Variants in ARSK observed in about 807,000 individuals in gnomAD.
ARSK encodes the protein arylsulfatase family member K.
ARSK carries 37 observed loss-of-function variants against 53.2 expected under a neutral mutation model. The observed-to-expected ratio is 0.70, with a 90% CI of 0.54 to 0.92. ARSK has a LOEUF of 0.92. Among genes scored for constraint, ARSK ranks in the 40% least tolerant of loss-of-function variants. The probability of loss-of-function intolerance (pLI) is 0.00; values close to 1 mark genes in which losing one functional copy is unlikely to be tolerated. For synonymous variants in ARSK, 208 were observed against 223.2 expected, an observed-to-expected ratio of 0.93 and a Z score of 0.61; for missense variants, 613 against 643.0, an observed-to-expected ratio of 0.95 and a Z score of 0.51.
intron 6 of ARSK, among the ~76,000 whole-genome samples, chr5:95,594,632 G>A (rs550801157): frequency 9.8e-5 from 15 of 152,328 alleles, no homozygotes; most frequent in African/African-American, 3.4e-4. Context: ...ACGAGGTCAG[G>A]AGATCGAGAC....
chr5:95,591,674 T>G, intron 6 of ARSK, 49 bp downstream of exon 6: 1 of 1,583,006 alleles, frequency 6.3e-7, no homozygotes, highest in South Asian at 1.1e-5. Flanking sequence ...TGCTGGAGAA[T>G]GCAACTGAAG....
intron 6 of ARSK, among the ~76,000 whole-genome samples, chr5:95,600,306 A>G (rs898388128): frequency 6.6e-6 from 1 of 152,326 alleles, no homozygotes; most frequent in African/African-American, 2.4e-5. Context: ...AAGGTTTATC[A>G]TATACATCAG....
chr5:95,590,186 G>A (rs916001058), intron 5 of ARSK, among the ~76,000 whole-genome samples: 24 of 152,188 alleles, frequency 1.6e-4, no homozygotes, highest in African/African-American at 5.8e-4. Flanking sequence ...TTTGAGCTGG[G>A]TCATAAAGGA....
At chr5:95,579,114 T>C (rs573416162) in intron 3 of ARSK, among the ~76,000 whole-genome samples, 5 of 152,308 alleles carry the variant, frequency 3.3e-5, no homozygotes, top group Non-Finnish European at 7.4e-5. Flanking sequence ...TTATCCTCCA[T>C]TTTGATTGAA....
intron 5 of ARSK, among the ~76,000 whole-genome samples, chr5:95,587,376 T>C (rs1256028415): frequency 6.6e-6 from 1 of 152,218 alleles, no homozygotes; most frequent in Non-Finnish European, 1.5e-5. Context: ...AAATCTGTTT[T>C]ATAACAAAAG....
At chr5:95,559,018 G>A (rs1420983134) in intron 1 of ARSK, among the ~76,000 whole-genome samples, 3 of 152,132 alleles carry the variant, frequency 2.0e-5, no homozygotes, top group Admixed American at 1.3e-4. Flanking sequence ...GCAGGCACCT[G>A]TAATCCCAGC....
intron 3 of ARSK, among the ~76,000 whole-genome samples, chr5:95,580,662 A>T (rs1027283370): frequency 3.8e-4 from 57 of 151,920 alleles, no homozygotes; most frequent in African/African-American, 1.3e-3. Flanking sequence ...GGCTGCATCT[A>T]CTCCTCTTAT....
chr5:95,557,691 A>G (rs1015990759), intron 1 of ARSK, among the ~76,000 whole-genome samples: 7 of 152,240 alleles, frequency 4.6e-5, no homozygotes, highest in Non-Finnish European at 7.3e-5. Flanking sequence ...GTGATTTATC[A>G]TTTCTAAAAC....
chr5:95,583,465 G>A (rs1318277003), intron 4 of ARSK, among the ~76,000 whole-genome samples: 2 of 152,024 alleles, frequency 1.3e-5, no homozygotes, highest in African/African-American at 4.8e-5. Flanking sequence ...TAGAAATGTA[G>A]GCAGCTCTCA....
In ARSK at chr5:95,583,030, G is replaced by T. The variant is rs1305026263; in HGVS notation, c.531G>T (p.Trp177Cys). 1 of 1,613,800 alleles carries T rather than the reference G, an allele frequency of 6.2e-7. No homozygotes were observed. The highest frequency in any genetic ancestry group is 1.1e-5 in the South Asian group (1 of 91,054). Residue 177 changes from tryptophan (W) to cysteine (C), a missense_variant, in exon 4 of 8, where the codon TGG becomes TGT. By Grantham distance (215) the Trp-to-Cys change is radical (BLOSUM62 -2). Coordinates refer to ENST00000380009, the MANE Select transcript of ARSK (RefSeq NM_198150.3). ...AAGTCAGAGTGATGGAAAGGGATTG[G>T]CAGAATACAGACAAAGCAGTAAACT... ...RTKVRVMERD[W>C]QNTDKAVNWL...
intron 3 of ARSK, among the ~76,000 whole-genome samples, chr5:95,579,171 G>T (rs764154045): frequency 1.3e-5 from 2 of 152,074 alleles, no homozygotes; most frequent in Non-Finnish European, 2.9e-5. Context: ...TTCTTAAACT[G>T]TGCATCTCAA....
At chr5:95,576,200 CT>C (rs60974669) in intron 3 of ARSK, among the ~76,000 whole-genome samples, 10,366 of 130,050 alleles carry the variant, frequency 0.08, 438 homozygotes, top group African/African-American at 0.16. Context: ...AAGTGTATAC[CT>C]TTTTTTTTTT....
intron 5 of ARSK, among the ~76,000 whole-genome samples, chr5:95,587,430 A>G (rs144564265): frequency 1.6e-4 from 24 of 152,362 alleles, no homozygotes; most frequent in African/African-American, 5.3e-4. Context: ...GCACTTAGGA[A>G]TGAAGCATAA....
rs1256312144 is a variant in ARSK at position 95,555,249 on chromosome 5, G to T, written c.-30G>T. The T allele has an allele frequency of 6.4e-7, 1 of 1,568,160 alleles. No homozygotes were observed. The highest frequency in any genetic ancestry group is 1.1e-5 in the South Asian group (1 of 90,306). On this transcript the variant is annotated 5_prime_UTR_variant, in exon 1 of 8. Coordinates refer to ENST00000380009, the MANE Select transcript of ARSK (RefSeq NM_198150.3). The surrounding 1 kb of genome is among the most constrained non-coding windows in gnomAD (Gnocchi z 4.0). ...AACGCCAGAGGGAGGCGGCTGGCCC[G>T]GCGGCAGGCTCTCAGAACCGCTACC...
intron 4 of ARSK, among the ~76,000 whole-genome samples, chr5:95,585,580 T>G (rs749351375): frequency 1.3e-5 from 2 of 152,142 alleles, no homozygotes; most frequent in African/African-American, 2.4e-5. Flanking sequence ...CCAAACATCA[T>G]ATGTTCTCAC....
At chr5:95,556,527 T>C in intron 1 of ARSK, 1 of 359,938 alleles carries the variant, frequency 2.8e-6, no homozygotes, top group Non-Finnish European at 5.0e-6. Flanking sequence ...TGTGGGCTGC[T>C]CCTAGAATGG....
chr5:95,579,953 T>TA (rs1748994028), intron 3 of ARSK, among the ~76,000 whole-genome samples: 2 of 152,210 alleles, frequency 1.3e-5, no homozygotes, highest in Admixed American at 1.3e-4. Flanking sequence ...AATAACGTCT[T>TA]ACTGTTATTA....
chr5:95,587,667 G>A lies in ARSK; in HGVS notation c.871+934G>A, dbSNP rs193037989. 2.7e-3 allele frequency among the ~76,000 whole-genome samples: 413 copies of A among 152,304 alleles called. 1 individual carries two copies. Among genetic ancestry groups the A allele is most frequent in the Non-Finnish European group, 4.9e-3 (332 of 68,022 alleles). Reference sequence around the variant, plus strand: ...CATGCCTATAATCCCAGCACTTTGGGAGGCTGAGGCAGGTGGATCACCTGA... The same window carrying A: ...CATGCCTATAATCCCAGCACTTTGGAAGGCTGAGGCAGGTGGATCACCTGA... On this transcript the variant is annotated intron_variant, in intron 5 of 7. Coordinates refer to ENST00000380009, the MANE Select transcript of ARSK (RefSeq NM_198150.3).
At chr5:95,595,927 G>A (rs1004855787) in intron 6 of ARSK, among the ~76,000 whole-genome samples, 21 of 152,182 alleles carry the variant, frequency 1.4e-4, no homozygotes, top group Admixed American at 1.4e-3. Context: ...TGTACAAATT[G>A]ATGTTTTTGT....
Sources: allele counts gnomAD v4.1 joint callset (sites outside exome capture counted in the v4.1 genomes callset), GRCh38; gene constraint gnomAD v4.1.1; non-coding constraint Gnocchi (gnomAD v3.1); transcripts MANE v1.5; gene names NCBI Gene and HGNC (gene_info 2026-07-23, HGNC 2026-07-21).